Variants in MYLK3 observed in about 807,000 individuals in gnomAD.
MYLK3 encodes the protein MLC kinase.
A neutral mutation model predicts 76.3 loss-of-function variants in MYLK3; 55 were observed. That is an observed-to-expected ratio of 0.72 (90% CI 0.58 to 0.90). MYLK3 has a LOEUF of 0.90. MYLK3 is among the 40% of genes least tolerant of loss of function. The probability of loss-of-function intolerance (pLI) is 0.00; values close to 1 mark genes in which losing one functional copy is unlikely to be tolerated. For missense variants in MYLK3, 973 were observed against 1,053.6 expected (o/e 0.92, Z 1.06); for synonymous variants, 416 against 425.4 (o/e 0.98, Z 0.27).
At chr16:46,720,420 G>A (rs1205213211) in intron 9 of MYLK3, among the ~76,000 whole-genome samples, 2 of 151,910 alleles carry the variant, frequency 1.3e-5, no homozygotes, top group Admixed American at 6.6e-5. Context: ...GGCTGGTCTC[G>A]AACTCCTGGG....
intron 7 of MYLK3, among the ~76,000 whole-genome samples, chr16:46,728,781 T>A (rs1966847019): frequency 2.0e-5 from 3 of 152,220 alleles, no homozygotes; most frequent in African/African-American, 7.2e-5. Flanking sequence ...ATAGGTCAAT[T>A]GACATACATA....
chr16:46,723,743 A>G (rs1037081735), intron 8 of MYLK3, among the ~76,000 whole-genome samples: 14 of 142,544 alleles, frequency 9.8e-5, no homozygotes, highest in Non-Finnish European at 1.5e-4. Context: ...TCCACCTCCC[A>G]GGTTCAAGTG....
intron 3 of MYLK3, among the ~76,000 whole-genome samples, chr16:46,734,724 G>A (rs754628622): frequency 2.0e-5 from 3 of 152,184 alleles, no homozygotes; most frequent in Non-Finnish European, 2.9e-5. Flanking sequence ...GCTGTCAAGG[G>A]CTGAGGGGCA....
At chr16:46,712,529 G>A (rs1416532855) in intron 10 of MYLK3, 119 bp downstream of exon 10, 6 of 935,032 alleles carry the variant, frequency 6.4e-6, no homozygotes, top group Non-Finnish European at 7.3e-6. Flanking sequence ...CTCTATTGGG[G>A]TTTCCTGGGG....
chr16:46,738,283 G>T (rs1472487581), intron 2 of MYLK3, 140 bp from the exon 3 acceptor site: 2 of 728,634 alleles, frequency 2.7e-6, no homozygotes, highest in East Asian at 5.5e-5. Context: ...AATGAAAGGG[G>T]CTGGTTGACT....
At chr16:46,722,392 T>C (rs868589776) in intron 8 of MYLK3, among the ~76,000 whole-genome samples, 4 of 152,198 alleles carry the variant, frequency 2.6e-5, no homozygotes, top group African/African-American at 9.6e-5. Context: ...TGACATAACA[T>C]GCATGAAACA....
intron 3 of MYLK3, among the ~76,000 whole-genome samples, chr16:46,735,830 G>A (rs1966866049): frequency 6.6e-6 from 1 of 152,168 alleles, no homozygotes; most frequent in Admixed American, 6.5e-5. Context: ...TTCCCTTTGG[G>A]TCTTCACTTC....
At chr16:46,724,932 C>T (rs1966834768) in intron 8 of MYLK3, among the ~76,000 whole-genome samples, 1 of 152,128 alleles carries the variant, frequency 6.6e-6, no homozygotes, top group African/African-American at 2.4e-5. Context: ...CCATGGCATG[C>T]CTTTCCATTT....
intron 8 of MYLK3, chr16:46,726,238 C>G (rs1416751051): frequency 6.6e-6 from 1 of 152,102 alleles, no homozygotes; most frequent in African/African-American, 2.4e-5. Flanking sequence ...TATGCCAGTA[C>G]CATATACTAC....
intron 8 of MYLK3, among the ~76,000 whole-genome samples, chr16:46,725,127 G>T (rs1966836236): frequency 6.6e-6 from 1 of 152,036 alleles, no homozygotes; most frequent in Non-Finnish European, 1.5e-5. Context: ...AAATACAATT[G>T]ATTTTTGTAT....
intron 1 of MYLK3, among the ~76,000 whole-genome samples, chr16:46,758,849 C>T (rs760132850): frequency 3.3e-5 from 5 of 152,080 alleles, no homozygotes; most frequent in Admixed American, 1.3e-4. Context: ...GATATAGGCT[C>T]GGCTCTGACG....
chr16:46,745,569 C>A (rs536205793), intron 1 of MYLK3, among the ~76,000 whole-genome samples: 1 of 152,196 alleles, frequency 6.6e-6, no homozygotes, highest in African/African-American at 2.4e-5. Flanking sequence ...CATGGTGAAA[C>A]CCCATCTCTA....
intron 1 of MYLK3, among the ~76,000 whole-genome samples, chr16:46,744,428 A>G (rs1159647071): frequency 1.6e-5 from 2 of 124,234 alleles, no homozygotes; most frequent in Non-Finnish European, 3.2e-5. Flanking sequence ...GCAACCTCCA[A>G]CCTCCTGGGT....
Position 46,747,987 on chromosome 16 carries a change from G to A in MYLK3, c.207C>T (p.Ala69=). ...CCCCGCCCGGGCCCGGTGCCCGGGAGGCCTCCAGCCTGTGCAGGCCCCGCT... is the reference window on the plus strand; with the variant it reads ...CCCCGCCCGGGCCCGGTGCCCGGGAAGCCTCCAGCCTGTGCAGGCCCCGCT... ...HLERGLHRLE[A]SRAPGPGGAD... Residue 69 remains alanine, a synonymous_variant, in exon 1 of 13, where the codon GCC becomes GCT. Coordinates refer to ENST00000394809, the MANE Select transcript of MYLK3 (RefSeq NM_182493.3). The A allele has an allele frequency of 6.2e-7, 1 of 1,613,488 alleles. No homozygotes were observed. Among genetic ancestry groups the A allele is most frequent in the Admixed American group, 1.7e-5 (1 of 60,016 alleles).
At chr16:46,740,421 G>A (rs1385846927) in intron 1 of MYLK3, among the ~76,000 whole-genome samples, 1 of 151,440 alleles carries the variant, frequency 6.6e-6, no homozygotes, top group Non-Finnish European at 1.5e-5. Flanking sequence ...TTCCCCATAA[G>A]GGATGAACCC....
At chr16:46,737,593 T>C in intron 3 of MYLK3, 118 bp downstream of exon 3, 1 of 1,000,080 alleles carries the variant, frequency 1.0e-6, no homozygotes, top group Non-Finnish European at 1.4e-6. Flanking sequence ...CTCCTCCCCA[T>C]TCCCCTCGCA....
At chr16:46,742,694 C>T (rs1192461239) in intron 1 of MYLK3, among the ~76,000 whole-genome samples, 1 of 152,168 alleles carries the variant, frequency 6.6e-6, no homozygotes, top group Non-Finnish European at 1.5e-5. Flanking sequence ...AAGCTTTGAC[C>T]TCTGAACAGT....
chr16:46,732,101 A>T, intron 4 of MYLK3, 107 bp downstream of exon 4: 1 of 951,154 alleles, frequency 1.1e-6, no homozygotes, highest in Admixed American at 2.9e-5. Flanking sequence ...ACGCCCCCAG[A>T]CTCATATGAT....
At chr16:46,752,995 C>T (rs530499531), upstream of MYLK3, among the ~76,000 whole-genome samples, 27 of 152,286 alleles carry the variant, frequency 1.8e-4, no homozygotes, top group Non-Finnish European at 3.2e-4. Context: ...AAAATAAATA[C>T]CCACCCGCAA....
Sources: allele counts gnomAD v4.1 joint callset (sites outside exome capture counted in the v4.1 genomes callset), GRCh38; gene constraint gnomAD v4.1.1; transcripts MANE v1.5; gene names NCBI Gene and HGNC (gene_info 2026-07-23, HGNC 2026-07-21).